ZNF497: variants seen among roughly 807,000 people sequenced by gnomAD.
The protein encoded by ZNF497 is zinc finger protein 497, also known as zinc finger-like protein.
For missense variants in ZNF497, 930 were observed against 714.0 expected (o/e 1.30, Z -3.45); for synonymous variants, 422 against 313.7 (o/e 1.35, Z -3.65).
Position 58,357,027 on chromosome 19 carries a change from G to T in ZNF497, c.609C>A (p.Thr203=), listed in dbSNP as rs1469261104. The stretch of plus-strand genomic sequence containing the variant: ...GCGTGCGTCGGTGCTGCACCAGCGT[G>T]GTGCTTCGGCCGAAGGACTTGCCGC... ...PDCGKSFGRS[T]TLVQHRRTHT... The change falls in exon 3 of 3, where the codon ACC becomes ACA. Residue 203 remains threonine (T), a synonymous_variant. Coordinates refer to ENST00000311044, the MANE Select transcript of ZNF497 (RefSeq NM_198458.3). 6.2e-7 allele frequency: 1 copy of T among 1,609,158 alleles called. No individual in the cohort carries two copies. The highest frequency in any genetic ancestry group is 8.5e-7 in the Non-Finnish European group (1 of 1,178,922).
chr19:58,360,757 G>C (rs1179242424), intron 1 of ZNF497, among the ~76,000 whole-genome samples: 1 of 136,870 alleles, frequency 7.3e-6, no homozygotes, highest in Non-Finnish European at 1.5e-5. Context: ...GGCCAGGCTG[G>C]TCCCGAACTC....
intron 1 of ZNF497, chr19:58,359,292 C>T: frequency 1.6e-6 from 2 of 1,281,582 alleles, no homozygotes; most frequent in Non-Finnish European, 2.0e-6. Context: ...GAGGGGAGTG[C>T]AGCTGCATGG....
intron 2 of ZNF497, chr19:58,358,104 G>C: frequency 7.9e-7 from 1 of 1,262,926 alleles, no homozygotes; most frequent in Non-Finnish European, 1.0e-6. Flanking sequence ...CCCAAACACA[G>C]CTATGTCTGC....
At chr19:58,360,257 C>G (rs1292515700) in intron 1 of ZNF497, among the ~76,000 whole-genome samples, 1 of 152,132 alleles carries the variant, frequency 6.6e-6, no homozygotes, top group Admixed American at 6.5e-5. Context: ...ATACCAAAAA[C>G]CACTGAATTA....
In ZNF497 at chr19:58,360,372, CTTTTTT is replaced by C. The variant is rs974859388; in HGVS notation, c.-111-1793_-111-1788del. On this transcript the variant is annotated intron_variant, in intron 1 of 2. Coordinates refer to ENST00000311044, the MANE Select transcript of ZNF497 (RefSeq NM_198458.3). ...TATGACTCCATTTCTTTTTCTTTTT[CTTTTTT>C]TTTTTCTTTTGACAGGGTCTGGCTC... is the stretch of plus-strand genomic sequence containing the variant. 2.0e-4 allele frequency among the ~76,000 whole-genome samples: 29 copies of C among 144,160 alleles called. 1 individual carries two copies. The East Asian group carries it at 4.3e-3, about 21-fold the overall frequency. The allele number at this position is 144,160 out of a possible 152,430, so 94.6% of individuals were successfully genotyped here. A position where few individuals can be genotyped will look rare whatever the true frequency, so the allele number is the denominator to read the frequency against.
intron 1 of ZNF497, among the ~76,000 whole-genome samples, chr19:58,361,765 A>C (rs768635566): frequency 1.3e-5 from 2 of 152,188 alleles, no homozygotes; most frequent in Non-Finnish European, 2.9e-5. Flanking sequence ...CAAAAGTTAA[A>C]TTTTAAAAAA....
chr19:58,356,976 G>C lies in ZNF497; in HGVS notation c.660C>G (p.Cys220Trp), dbSNP rs144478073. 6.2e-7 allele frequency: 1 copy of C among 1,608,254 alleles called. No homozygotes were observed. Among genetic ancestry groups the C allele is most frequent in the South Asian group, 1.1e-5 (1 of 90,804 alleles). Reference protein sequence around the residue: ...RTHTGEKPYECPECGKAFSWN... With the variant: ...RTHTGEKPYEWPECGKAFSWN... The stretch of plus-strand genomic sequence containing the variant: ...AGCTGAAGGCCTTGCCGCACTCCGG[G>C]CACTCGTAGGGCTTCTCGCCCGTGT... Residue 220 changes from cysteine to tryptophan, a missense_variant, in exon 3 of 3, where the codon TGC becomes TGG. Coordinates refer to ENST00000311044, the MANE Select transcript of ZNF497 (RefSeq NM_198458.3).
In ZNF497 at chr19:58,356,574, G is replaced by T. The variant is rs1201948429; in HGVS notation, c.1062C>A (p.Gly354=). The part of the protein sequence containing the change: ...YLAEHRRVHT[G]EKPHACAQCG... ...ACTGGGCGCACGCATGAGGCTTCTC[G>T]CCCGTGTGCACGCGCCGGTGCTCCG... The change falls in exon 3 of 3, where the codon GGC becomes GGA. Residue 354 remains glycine, a synonymous_variant. Transcript: ENST00000311044. 1 of 1,548,526 alleles carries T rather than the reference G, an allele frequency of 6.5e-7. No individual in the cohort carries two copies. Among genetic ancestry groups the T allele is most frequent in the Non-Finnish European group, 8.7e-7 (1 of 1,151,856 alleles).
chr19:58,355,031 A>C lies in ZNF497; in HGVS notation c.*1108T>G, dbSNP rs993704867. ...TCCTCTTAGCTTCCCTGGGTTCTCC[A>C]GCCCTAAGGGTGGTAGCAGCTTCCT... is the stretch of plus-strand genomic sequence containing the variant. On this transcript the variant is annotated 3_prime_UTR_variant, in exon 3 of 3. Coordinates refer to ENST00000311044, the MANE Select transcript of ZNF497 (RefSeq NM_198458.3). The C allele has an allele frequency of 6.6e-6, 1 of 152,328 alleles. No individual in the cohort carries two copies. 9.4% of individuals were successfully genotyped at this position (152,328 alleles called of 1,614,324 possible).
intron 1 of ZNF497, among the ~76,000 whole-genome samples, chr19:58,361,007 C>G (rs1437058438): frequency 6.6e-6 from 1 of 152,038 alleles, no homozygotes. Context: ...TGGTCTCGAT[C>G]TCCTGACCTC....
rs1345138798 is a variant in ZNF497, at chr19:58,357,624, TG to T, written c.11del (p.Pro4GlnfsTer19). The T allele has an allele frequency of 8.5e-6, 13 of 1,526,870 alleles. No homozygotes were observed. Among genetic ancestry groups the T allele is most frequent in the Non-Finnish European group, 1.1e-5 (12 of 1,140,288 alleles). The allele number at this position is 1,526,870 out of a possible 1,614,324, so 94.6% of individuals were successfully genotyped here. ...GGGCCACCTGCAGGGTCCACCCTCT[TG>T]GGGACTCCATCTCGCGCCTGTGACC... MES[P>X]RGWTLQVAPE... On this transcript the variant is annotated frameshift_variant, in exon 3 of 3. Transcript: ENST00000311044.
At position 58,356,822 on chromosome 19, in the gene ZNF497, G is replaced by A. The variant is rs2052028777; in HGVS notation, c.814C>T (p.Arg272Trp). ...AEHLKIHAGA[R>W]PHACPDCGKA... ...CCGCAGTCGGGACAGGCGTGTGGCC[G>A]TGCGCCCGCGTGGATCTTCAGGTGC... is the stretch of plus-strand genomic sequence containing the variant. The change falls in exon 3 of 3, where the codon CGG (arginine) becomes TGG (tryptophan). Residue 272 changes from arginine to tryptophan, a missense_variant. Physicochemically the swap from Arg to Trp is moderately radical, Grantham distance 101 (BLOSUM62 -3). Transcript: ENST00000311044. 6.4e-7 allele frequency: 1 copy of A among 1,561,438 alleles called. No individual in the cohort carries two copies. Among genetic ancestry groups the A allele is most frequent in the Non-Finnish European group, 8.6e-7 (1 of 1,160,890 alleles).
At chr19:58,361,447 C>T (rs1375699963) in intron 1 of ZNF497, among the ~76,000 whole-genome samples, 6 of 152,150 alleles carry the variant, frequency 3.9e-5, no homozygotes, top group South Asian at 2.1e-4. Flanking sequence ...ACCTCCGCCT[C>T]CTGGGTACAA....
Position 58,356,323 on chromosome 19 carries a change from C to G in ZNF497, c.1313G>C (p.Gly438Ala), listed in dbSNP as rs569431577. 6 of 1,576,914 alleles carry G rather than the reference C, an allele frequency of 3.8e-6. No homozygotes were observed. In the South Asian group the frequency reaches 6.9e-5, roughly 18 times the overall value. Residue 438 changes from glycine to alanine, a missense_variant, in exon 3 of 3, where the codon GGC (glycine) becomes GCC (alanine). Coordinates refer to ENST00000311044, the MANE Select transcript of ZNF497 (RefSeq NM_198458.3). ...GTGGGCGCAGACGAACGGCCTCTCG[C>G]CAGAGTGCAGGCGCTGGTGCTGGCG... is the stretch of plus-strand genomic sequence containing the variant. ...ELRQHQRLHS[G>A]ERPFVCAHCS...
In ZNF497 at chr19:58,358,495, G is replaced by T. The variant is rs2052054088; in HGVS notation, c.-21C>A. 3 of 1,177,660 alleles carry T rather than the reference G, an allele frequency of 2.5e-6. No individual in the cohort carries two copies. Among genetic ancestry groups the T allele is most frequent in the South Asian group, 1.6e-5 (1 of 63,048 alleles). 73.0% of individuals were successfully genotyped at this position (1,177,660 alleles called of 1,614,324 possible). The stretch of plus-strand genomic sequence containing the variant: ...TGTGTAGATGGTGCCATACCTGGAG[G>T]TGGGGCCTGGAAGGGGCCCAGGGGA... On this transcript the variant is annotated 5_prime_UTR_variant, in exon 2 of 3. Transcript: ENST00000311044.
chr19:58,358,415 C>T, intron 2 of ZNF497, 74 bp downstream of exon 2: 1 of 1,154,976 alleles, frequency 8.7e-7, no homozygotes, highest in South Asian at 1.5e-5. Context: ...GCCCTGAGCA[C>T]CTTATCATCC....
intron 2 of ZNF497, chr19:58,358,089 C>T: frequency 8.0e-7 from 1 of 1,243,240 alleles, no homozygotes; most frequent in South Asian, 1.4e-5. Context: ...GAGGACACCG[C>T]CTGACCCAAA....
Position 58,356,279 on chromosome 19 carries a change from G to T in ZNF497, c.1357C>A (p.Arg453Ser). The T allele has an allele frequency of 6.3e-7, 1 of 1,594,956 alleles. No individual in the cohort carries two copies. The change falls in exon 3 of 3, where the codon CGC (arginine) becomes AGC (serine). Residue 453 changes from arginine (R) to serine (S), a missense_variant. Physicochemically the swap from Arg to Ser is moderately radical, Grantham distance 110. Transcript: ENST00000311044. ...VCAHCSKAFV[R>S]KSELLSHRRT... The stretch of plus-strand genomic sequence containing the variant: ...CGGTGGCTTAAGAGCTCCGACTTGC[G>T]CACGAAGGCCTTGCTGCAGTGGGCG...
At chr19:58,362,271 C>G (rs1356638506) in intron 1 of ZNF497, among the ~76,000 whole-genome samples, 1 of 152,190 alleles carries the variant, frequency 6.6e-6, no homozygotes, top group Non-Finnish European at 1.5e-5. Context: ...GCGGGCAGCT[C>G]CGGAGGCTGG....
Sources: allele counts gnomAD v4.1 joint callset (sites outside exome capture counted in the v4.1 genomes callset), GRCh38; gene constraint gnomAD v4.1.1; transcripts MANE v1.5; gene names NCBI Gene and HGNC (gene_info 2026-07-23, HGNC 2026-07-21).